TSHZ2: variants seen among roughly 807,000 people sequenced by gnomAD.
The protein encoded by TSHZ2 is teashirt zinc finger homeobox 2.
In TSHZ2, 21 loss-of-function variants were observed where a neutral mutation model predicts 74.4. That is an observed-to-expected ratio of 0.28 (90% CI 0.20 to 0.41). The LOEUF (loss-of-function observed/expected upper bound fraction) is 0.41, where lower values mean the gene tolerates loss of function less well. TSHZ2 is among the 10% of genes least tolerant of loss of function. The pLI is 1.00. For missense variants in TSHZ2, 1,244 were observed against 1,293.5 expected (o/e 0.96, Z 0.59); for synonymous variants, 540 against 515.3 (o/e 1.05, Z -0.65).
intron 1 of TSHZ2, among the ~76,000 whole-genome samples, chr20:53,129,529 T>A (rs1481914275): frequency 6.6e-6 from 1 of 152,204 alleles, no homozygotes; most frequent in African/African-American, 2.4e-5. Context: ...AATATATCAA[T>A]AAGTGGATGT....
chr20:53,033,867 C>T (rs564451896), intron 1 of TSHZ2, among the ~76,000 whole-genome samples: 2 of 151,808 alleles, frequency 1.3e-5, no homozygotes, highest in Admixed American at 1.3e-4. Context: ...ACCACGTCGG[C>T]CAGGTTAGTC....
At position 53,488,450 on chromosome 20, in the gene TSHZ2, T is replaced by A. The variant is rs1986352898; in HGVS notation, c.*1315T>A. The A allele has an allele frequency of 6.5e-6, 1 of 154,376 alleles. No individual in the cohort carries two copies. The highest frequency in any genetic ancestry group is 1.4e-5 in the Non-Finnish European group (1 of 69,540). The allele number at this position is 154,376 out of a possible 1,614,324, so 9.6% of individuals were successfully genotyped here. A position where few individuals can be genotyped will look rare whatever the true frequency, so the allele number is the denominator to read the frequency against. The stretch of plus-strand genomic sequence containing the variant: ...AAAGTCTTGCATACCTAGTGCACAG[T>A]TTGGAGACGCAAGGATAGATCTGTT... On this transcript the variant is annotated 3_prime_UTR_variant, in exon 3 of 3. Coordinates refer to ENST00000371497, the MANE Select transcript of TSHZ2 (RefSeq NM_173485.6).
intron 1 of TSHZ2, among the ~76,000 whole-genome samples, chr20:53,249,066 C>T (rs1470842136): frequency 6.6e-6 from 1 of 151,844 alleles, no homozygotes; most frequent in Non-Finnish European, 1.5e-5. Context: ...GTCTTGAACT[C>T]CTGACCTCGG....
rs146433828 is a variant in TSHZ2 at position 53,380,974 on chromosome 20, T to C, written c.*9-106170T>C. On this transcript the variant is annotated intron_variant, in intron 2 of 2. Transcript: ENST00000371497. ...GCTGGTCTCATCAATTCAGACTGTA[T>C]TGTGAGTCCATCCTATGCAGAATCC... Among the ~76,000 whole-genome samples the C allele has an allele frequency of 3.4e-3, 514 of 152,328 alleles. 5 individuals are homozygous for C. The highest frequency in any genetic ancestry group is 0.012 in the African/African-American group (491 of 41,562).
At chr20:53,313,736 G>A (rs1435211709) in intron 2 of TSHZ2, among the ~76,000 whole-genome samples, 1 of 152,124 alleles carries the variant, frequency 6.6e-6, no homozygotes, top group African/African-American at 2.4e-5. Flanking sequence ...GACCCTCTTG[G>A]CCTCTGTTCC....
intron 2 of TSHZ2, among the ~76,000 whole-genome samples, chr20:53,354,412 T>TTGG (rs1400301179): frequency 1.3e-5 from 2 of 152,208 alleles, no homozygotes; most frequent in African/African-American, 4.8e-5. Flanking sequence ...GTCTTGCTAT[T>TTGG]TGGCTTGTAT....
intron 1 of TSHZ2, among the ~76,000 whole-genome samples, chr20:53,144,030 A>G (rs897386780): frequency 1.1e-4 from 16 of 152,154 alleles, no homozygotes; most frequent in African/African-American, 3.9e-4. Flanking sequence ...GTACTCTTGC[A>G]CTAAGTCAGT....
intron 1 of TSHZ2, among the ~76,000 whole-genome samples, chr20:53,122,218 G>A (rs1986829343): frequency 6.6e-6 from 1 of 151,216 alleles, no homozygotes; most frequent in South Asian, 2.1e-4. Flanking sequence ...AGCCCAGCAG[G>A]TGCAGGATGT....
intron 1 of TSHZ2, among the ~76,000 whole-genome samples, chr20:53,039,098 C>T (rs3918472): frequency 0.67 from 101,816 of 151,712 alleles, 34,775 homozygotes; most frequent in East Asian, 0.96. Flanking sequence ...GTTGGTCAGG[C>T]TGGTCTCGAA....
At chr20:53,183,515 A>C (rs1328125719) in intron 1 of TSHZ2, among the ~76,000 whole-genome samples, 2 of 152,102 alleles carry the variant, frequency 1.3e-5, no homozygotes, top group Admixed American at 6.6e-5. Context: ...GTTTTCTTTT[A>C]ATTGTAGGGG....
Position 52,991,453 on chromosome 20 carries a change from TTATG to T in TSHZ2, c.40+18126_40+18129del, listed in dbSNP as rs1304360545. ...TTTCTGATGCATGATTTTGTGTGGA[TTATG>T]TATGTTGTGGGTATTAGTGTGTGTG... On this transcript the variant is annotated intron_variant, in intron 1 of 2. Coordinates refer to ENST00000371497, the MANE Select transcript of TSHZ2 (RefSeq NM_173485.6). Among the ~76,000 whole-genome samples the T allele has an allele frequency of 2.1e-5, 3 of 146,110 alleles. No homozygotes were observed. The East Asian group carries it at 6.2e-4, about 30-fold the overall frequency.
At chr20:53,291,336 G>A (rs1991273717) in intron 2 of TSHZ2, among the ~76,000 whole-genome samples, 1 of 152,018 alleles carries the variant, frequency 6.6e-6, no homozygotes, top group South Asian at 2.1e-4. Flanking sequence ...AGCTGGATAT[G>A]GTGGCACACA....
intron 1 of TSHZ2, among the ~76,000 whole-genome samples, chr20:53,201,186 A>T (rs1988996453): frequency 6.6e-6 from 1 of 152,194 alleles, no homozygotes; most frequent in Non-Finnish European, 1.5e-5. Context: ...AAGGTTATTC[A>T]TTTTGGATTG....
intron 2 of TSHZ2, among the ~76,000 whole-genome samples, chr20:53,467,013 C>T (rs1985583282): frequency 1.3e-5 from 2 of 152,196 alleles, no homozygotes; most frequent in Non-Finnish European, 2.9e-5. Context: ...ACTATCTGAT[C>T]TTGATTACAT....
At chr20:53,393,962 A>G (rs1318814997) in intron 2 of TSHZ2, among the ~76,000 whole-genome samples, 1 of 152,276 alleles carries the variant, frequency 6.6e-6, no homozygotes, top group East Asian at 1.9e-4. Context: ...AGGAAAAGTT[A>G]GGAATGGTTT....
intron 2 of TSHZ2, among the ~76,000 whole-genome samples, chr20:53,353,300 T>C (rs1980727338): frequency 6.6e-6 from 1 of 152,188 alleles, no homozygotes; most frequent in Admixed American, 6.5e-5. Context: ...AAGGGAGGAA[T>C]GAAGTCTTGG....
At chr20:53,170,726 G>A (rs1158816221) in intron 1 of TSHZ2, among the ~76,000 whole-genome samples, 1 of 152,174 alleles carries the variant, frequency 6.6e-6, no homozygotes, top group East Asian at 1.9e-4. Flanking sequence ...GCTGAGCTTA[G>A]CGGTACTAAA....
At position 53,253,897 on chromosome 20, in the gene TSHZ2, C is replaced by G. The variant is rs1484078042; in HGVS notation, c.439C>G (p.Leu147Val). ...YWSGLGLGFK[L>V]SNSERRNCDT... ...GTCAGGCCTGGGCCTTGGCTTCAAG[C>G]TGTCCAATAGTGAGAGGAGGAACTG... Residue 147 changes from leucine (L) to valine (V), a missense_variant, in exon 2 of 3, where the codon CTG becomes GTG. By Grantham distance (32) the Leu-to-Val change is conservative. Around this residue, in one of 6 missense-constraint regions of TSHZ2, gnomAD observed 470 missense variants for 456.5 expected, o/e 1.03. Transcript: ENST00000371497. The G allele has an allele frequency of 4.3e-6, 7 of 1,614,192 alleles. No homozygotes were observed. Among genetic ancestry groups the G allele is most frequent in the Non-Finnish European group, 5.9e-6 (7 of 1,180,026 alleles).
intron 1 of TSHZ2, among the ~76,000 whole-genome samples, chr20:53,188,221 A>AT (rs1988646617): frequency 6.6e-6 from 1 of 152,046 alleles, no homozygotes; most frequent in Non-Finnish European, 1.5e-5. Flanking sequence ...TTTAAGGGGG[A>AT]GGGGAGGGCC....
Sources: gnomAD v4.1 joint callset for allele counts (sites outside exome capture counted in the v4.1 genomes callset) on GRCh38, gnomAD v4.1.1 for gene constraint, gnomAD v4.1.1 regional missense constraint, MANE v1.5 for transcripts, NCBI Gene and HGNC (gene_info 2026-07-23, HGNC 2026-07-21) for gene names.